Variants in YEATS4 observed in about 807,000 individuals in gnomAD.
YEATS4 encodes YEATS domain containing 4.
A neutral mutation model predicts 30.1 loss-of-function variants in YEATS4; 17 were observed. The ratio of observed to expected loss-of-function variants is 0.56; its 90% confidence interval spans 0.39 to 0.85. The LOEUF (loss-of-function observed/expected upper bound fraction) is 0.85. YEATS4 is among the 40% of genes least tolerant of loss of function. The probability of loss-of-function intolerance (pLI) is 0.00; values close to 1 mark genes in which losing one functional copy is unlikely to be tolerated. For missense variants in YEATS4, 142 were observed against 268.3 expected (o/e 0.53, Z 3.29); for synonymous variants, 85 against 87.5 (o/e 0.97, Z 0.16).
chr12:69,411,216 A>G, the YEATS4 span, among the ~76,000 whole-genome samples: 1 of 152,068 alleles, frequency 6.6e-6, no homozygotes, highest in African/African-American at 2.4e-5. Flanking sequence ...TGCAGCCTTG[A>G]CCTCTCTGGC....
At chr12:69,401,201 TA>T in the YEATS4 span, 4,084 of 146,586 alleles carry the variant, frequency 0.028, 158 homozygotes, top group African/African-American at 0.09. Flanking sequence ...CCTTGTCTCT[TA>T]AAAAAAAAAA....
At chr12:69,399,984 A>G in the YEATS4 span, among the ~76,000 whole-genome samples, 1 of 152,142 alleles carries the variant, frequency 6.6e-6, no homozygotes, top group Non-Finnish European at 1.5e-5. Flanking sequence ...GGAAGGGAGG[A>G]TGGGGAGTGA....
chr12:69,381,752 G>A (rs965189101), intron 6 of YEATS4, among the ~76,000 whole-genome samples: 2 of 152,076 alleles, frequency 1.3e-5, no homozygotes, highest in African/African-American at 2.4e-5. Context: ...CCCTCCGTTC[G>A]GGGTTCCTGA....
chr12:69,405,521 T>C, the YEATS4 span, among the ~76,000 whole-genome samples: 1 of 152,198 alleles, frequency 6.6e-6, no homozygotes, highest in Non-Finnish European at 1.5e-5. Context: ...CTCTTTGGCA[T>C]ATTCAAATTG....
the YEATS4 span, among the ~76,000 whole-genome samples, chr12:69,398,797 A>G: frequency 1.3e-5 from 2 of 148,950 alleles, no homozygotes; most frequent in Non-Finnish European, 3.0e-5. Context: ...CCTGGGCAAC[A>G]GAACAAGACC....
intron 4 of YEATS4, among the ~76,000 whole-genome samples, chr12:69,367,687 T>C (rs1875491027): frequency 6.6e-6 from 1 of 152,158 alleles, no homozygotes; most frequent in African/African-American, 2.4e-5. Context: ...AAATATTATA[T>C]CTGCTATTTG....
At chr12:69,405,383 C>T in the YEATS4 span, among the ~76,000 whole-genome samples, 18,160 of 152,154 alleles carry the variant, frequency 0.12, 1,227 homozygotes, top group East Asian at 0.19. Context: ...GTATTGGTCT[C>T]GATTTCATGG....
the YEATS4 span, among the ~76,000 whole-genome samples, chr12:69,410,838 G>A: frequency 6.6e-6 from 1 of 152,150 alleles, no homozygotes; most frequent in African/African-American, 2.4e-5. Flanking sequence ...AGACAGCAGA[G>A]CATCCAAACC....
rs533225716 is a variant in YEATS4, at chr12:69,362,013, GTTTTTTTTTTTTT to G, written c.52-766_52-754del. On this transcript the variant is annotated intron_variant, in intron 1 of 6. Coordinates refer to ENST00000247843, the MANE Select transcript of YEATS4 (RefSeq NM_006530.4). ...TTTTTAAATTGTAGGGTGTTTGGTT[GTTTTTTTTTTTTT>G]TTTTTTTTGGAGACAGAGGCTCGCT... Among the ~76,000 whole-genome samples the G allele has an allele frequency of 1.2e-4, 8 of 69,062 alleles. 1 individual carries two copies. In the East Asian group the frequency reaches 2.5e-3, roughly 22 times the overall value. The allele number at this position is 69,062 out of a possible 152,430, so 45.3% of individuals were successfully genotyped here. A position where few individuals can be genotyped will look rare whatever the true frequency, so the allele number is the denominator to read the frequency against.
At chr12:69,380,827 A>G (rs898235588) in intron 6 of YEATS4, among the ~76,000 whole-genome samples, 1 of 152,192 alleles carries the variant, frequency 6.6e-6, no homozygotes, top group Non-Finnish European at 1.5e-5. Flanking sequence ...GAGACATCAC[A>G]TGTCGGCAGG....
intron 4 of YEATS4, among the ~76,000 whole-genome samples, chr12:69,370,030 A>G (rs1305578150): frequency 6.6e-6 from 1 of 152,106 alleles, no homozygotes. Flanking sequence ...TCTTACAATT[A>G]TGCTAGCTAA....
the YEATS4 span, among the ~76,000 whole-genome samples, chr12:69,413,846 C>T: frequency 1.7e-5 from 2 of 119,002 alleles, no homozygotes; most frequent in Admixed American, 9.1e-5. Context: ...AGCAAGACTT[C>T]GTCAAAAAAA....
chr12:69,364,060 G>C (rs1204416932), intron 2 of YEATS4: 1 of 282,306 alleles, frequency 3.5e-6, no homozygotes, highest in Non-Finnish European at 7.2e-6. Flanking sequence ...GGGTGGGGGA[G>C]AAAGGGTATT....
chr12:69,413,353 GA>G, the YEATS4 span, among the ~76,000 whole-genome samples: 1,321 of 110,604 alleles, frequency 0.012, 12 homozygotes, highest in African/African-American at 0.044. Context: ...GTCTCTAAAT[GA>G]AAAAAAAAAA....
chr12:69,360,340 C>G (rs1875144459), intron 1 of YEATS4, among the ~76,000 whole-genome samples: 2 of 152,156 alleles, frequency 1.3e-5, no homozygotes, highest in African/African-American at 4.8e-5. Flanking sequence ...GGTGCACATT[C>G]GCTGCCAATC....
intron 1 of YEATS4, among the ~76,000 whole-genome samples, chr12:69,360,642 C>T (rs901817897): frequency 6.6e-6 from 1 of 150,522 alleles, no homozygotes; most frequent in Admixed American, 6.6e-5. Flanking sequence ...ATATTTATTT[C>T]CCTCACACAG....
At chr12:69,402,821 G>A in the YEATS4 span, among the ~76,000 whole-genome samples, 1 of 150,264 alleles carries the variant, frequency 6.7e-6, no homozygotes, top group Non-Finnish European at 1.5e-5. Flanking sequence ...CATCTCCTGG[G>A]CTCATGCAAT....
At chr12:69,386,296 A>G (rs1868250637) in intron 6 of YEATS4, among the ~76,000 whole-genome samples, 1 of 152,226 alleles carries the variant, frequency 6.6e-6, no homozygotes, top group Non-Finnish European at 1.5e-5. Flanking sequence ...TCTACAGTGA[A>G]TGCTGTCCTT....
the YEATS4 span, among the ~76,000 whole-genome samples, chr12:69,418,295 TA>T: frequency 6.6e-6 from 1 of 152,092 alleles, no homozygotes; most frequent in Non-Finnish European, 1.5e-5. Flanking sequence ...CTACTAAAAA[TA>T]CAAAAATTAG....
Sources: allele counts gnomAD v4.1 joint callset (sites outside exome capture counted in the v4.1 genomes callset), GRCh38; gene constraint gnomAD v4.1.1; transcripts MANE v1.5; gene names NCBI Gene and HGNC (gene_info 2026-07-23, HGNC 2026-07-21).